Variants in FIGN observed in about 807,000 individuals in gnomAD.
The protein encoded by FIGN is fidgetin, microtubule severing factor.
A neutral mutation model predicts 51.3 loss-of-function variants in FIGN; 11 were observed. The ratio of observed to expected loss-of-function variants is 0.21; its 90% CI spans 0.13 to 0.35. FIGN has a LOEUF of 0.35. Ranked by LOEUF, FIGN falls within the 10% of genes least tolerant of loss-of-function variation. The pLI, the probability that FIGN is intolerant of heterozygous loss-of-function variation, is 1.00. For synonymous variants in FIGN, 407 were observed against 363.2 expected (o/e 1.12, Z -1.37); for missense variants, 857 against 943.6 (o/e 0.91, Z 1.20).
chr2:163,672,701 G>GA (rs1262071291), intron 2 of FIGN, among the ~76,000 whole-genome samples: 2 of 151,468 alleles, frequency 1.3e-5, no homozygotes, highest in African/African-American at 2.4e-5. Context: ...ACAATAACAA[G>GA]AAAAAAAAGC....
chr2:163,627,392 A>G (rs1404467758), intron 2 of FIGN, among the ~76,000 whole-genome samples: 1 of 152,156 alleles, frequency 6.6e-6, no homozygotes, highest in Non-Finnish European at 1.5e-5. Context: ...ATATGCATGA[A>G]ACAGATTCTA....
At chr2:163,668,580 G>A (rs1683822666) in intron 2 of FIGN, among the ~76,000 whole-genome samples, 1 of 152,114 alleles carries the variant, frequency 6.6e-6, no homozygotes, top group African/African-American at 2.4e-5. Context: ...TATATTACAT[G>A]GTAATAAAAC....
intron 2 of FIGN, among the ~76,000 whole-genome samples, chr2:163,684,045 A>G (rs1270501825): frequency 6.6e-6 from 1 of 152,168 alleles, no homozygotes; most frequent in Non-Finnish European, 1.5e-5. Flanking sequence ...CAATGATAAA[A>G]TCTCCACTAA....
At chr2:163,676,480 T>TCTAGAGTCTGTGCTCTAG (rs1683971884) in intron 2 of FIGN, among the ~76,000 whole-genome samples, 6 of 76,870 alleles carry the variant, frequency 7.8e-5, no homozygotes, top group African/African-American at 2.5e-4. Flanking sequence ...TATATATATA[T>TCTAGAGTCTGTGCTCTAG]ATAACTAGAG....
intron 2 of FIGN, among the ~76,000 whole-genome samples, chr2:163,628,139 C>A (rs892067857): frequency 6.6e-5 from 10 of 152,084 alleles, no homozygotes; most frequent in African/African-American, 2.2e-4. Flanking sequence ...GAGAATCTTG[C>A]CCATAGTGCT....
At chr2:163,669,623 C>G (rs1025219469) in intron 2 of FIGN, among the ~76,000 whole-genome samples, 2 of 152,186 alleles carry the variant, frequency 1.3e-5, no homozygotes, top group Admixed American at 1.3e-4. Context: ...AGTCTATAAT[C>G]AAACTTTCAG....
At chr2:163,712,846 A>G (rs1049661857) in intron 2 of FIGN, among the ~76,000 whole-genome samples, 1 of 152,206 alleles carries the variant, frequency 6.6e-6, no homozygotes, top group Non-Finnish European at 1.5e-5. Flanking sequence ...AATTATTTAA[A>G]ATACTCTAAT....
At position 163,735,076 on chromosome 2, in the gene FIGN, C is replaced by T. The variant is rs1684993953; in HGVS notation, c.-145-4G>A. On this transcript the variant is annotated splice_region_variant and splice_polypyrimidine_tract_variant and intron_variant, in intron 1 of 2. Coordinates refer to ENST00000333129, the MANE Select transcript of FIGN (RefSeq NM_018086.4). ...TTTCGTCAGGTATTCATTTAACCTA[C>T]ATGCATATAATTAAGGGGGAAAGCA... 1.2e-5 allele frequency: 7 copies of T among 602,810 alleles called. No homozygotes were observed. Among genetic ancestry groups the T allele is most frequent in the Non-Finnish European group, 2.0e-5 (7 of 354,746 alleles). 37.3% of individuals were successfully genotyped at this position (602,810 alleles called of 1,614,324 possible). A position where few individuals can be genotyped will look rare whatever the true frequency, so the allele number is the denominator to read the frequency against.
chr2:163,604,928 A>T lies in FIGN; in HGVS notation c.*4624T>A, dbSNP rs1332376441. ...AGGGAGAGTTTTAAGCCCAGAAATA[A>T]ACTTTTGCTTTTTTTTTTTTTTTTT... On this transcript the variant is annotated 3_prime_UTR_variant, in exon 3 of 3. Coordinates refer to ENST00000333129, the MANE Select transcript of FIGN (RefSeq NM_018086.4). 1 of 80,628 alleles carries T rather than the reference A, an allele frequency of 1.2e-5. No individual in the cohort carries two copies. The highest frequency in any genetic ancestry group is 2.4e-5 in the Non-Finnish European group (1 of 41,300). The allele number at this position is 80,628 out of a possible 1,614,324, so 5.0% of individuals were successfully genotyped here.
At chr2:163,682,210 G>A (rs1684076960) in intron 2 of FIGN, among the ~76,000 whole-genome samples, 1 of 152,128 alleles carries the variant, frequency 6.6e-6, no homozygotes, top group African/African-American at 2.4e-5. Flanking sequence ...TATTCTAATG[G>A]GAAAGGAATT....
chr2:163,702,920 T>C (rs971300259), intron 2 of FIGN, among the ~76,000 whole-genome samples: 1 of 152,136 alleles, frequency 6.6e-6, no homozygotes, highest in Non-Finnish European at 1.5e-5. Context: ...AGACTTTCTT[T>C]CATGCCTTAA....
chr2:163,686,312 G>C lies in FIGN; in HGVS notation c.25+48591C>G, dbSNP rs576336847. On this transcript the variant is annotated intron_variant, in intron 2 of 2. Transcript: ENST00000333129. ...GACAAAGTTCTCGCCACAAAACAGA[G>C]GGTGAAGGACTTCTAGTAGAGCTAT... Among the ~76,000 whole-genome samples the C allele has an allele frequency of 1.1e-4, 16 of 152,246 alleles. No homozygotes were observed. In the South Asian group the frequency reaches 3.3e-3, roughly 32 times the overall value.
At chr2:163,613,700 G>A (rs189086841) in intron 2 of FIGN, among the ~76,000 whole-genome samples, 7 of 152,268 alleles carry the variant, frequency 4.6e-5, no homozygotes, top group Admixed American at 2.0e-4. Flanking sequence ...TCATGCTTCC[G>A]ACTTAATGAT....
chr2:163,700,221 T>C (rs1684387458), intron 2 of FIGN, among the ~76,000 whole-genome samples: 1 of 152,112 alleles, frequency 6.6e-6, no homozygotes, highest in East Asian at 1.9e-4. Context: ...TGAAACAGAA[T>C]AAATTGAGAA....
At chr2:163,700,173 A>G (rs984423187) in intron 2 of FIGN, among the ~76,000 whole-genome samples, 4 of 152,172 alleles carry the variant, frequency 2.6e-5, no homozygotes, top group African/African-American at 9.7e-5. Flanking sequence ...TGACATTGTG[A>G]TTAGTTATAA....
chr2:163,702,085 G>T (rs566156787), intron 2 of FIGN, among the ~76,000 whole-genome samples: 2 of 152,066 alleles, frequency 1.3e-5, no homozygotes, highest in African/African-American at 4.8e-5. Flanking sequence ...AATAAGCCTG[G>T]TCCAAATGAA....
chr2:163,647,031 C>T (rs1269290303), intron 2 of FIGN, among the ~76,000 whole-genome samples: 1 of 152,176 alleles, frequency 6.6e-6, no homozygotes, highest in Non-Finnish European at 1.5e-5. Flanking sequence ...AATAAGACTA[C>T]AGAAAGCTCT....
At chr2:163,643,343 G>A (rs1053303248) in intron 2 of FIGN, among the ~76,000 whole-genome samples, 3 of 152,166 alleles carry the variant, frequency 2.0e-5, no homozygotes, top group African/African-American at 4.8e-5. Flanking sequence ...AACGAAGTTG[G>A]ACTCCACTTT....
chr2:163,696,003 T>A (rs1684312917), intron 2 of FIGN, among the ~76,000 whole-genome samples: 1 of 151,984 alleles, frequency 6.6e-6, no homozygotes. Context: ...CCCAGCTACT[T>A]GTGAGGTTGA....
Sources: allele counts gnomAD v4.1 joint callset (sites outside exome capture counted in the v4.1 genomes callset), GRCh38; gene constraint gnomAD v4.1.1; transcripts MANE v1.5; gene names NCBI Gene and HGNC (gene_info 2026-07-23, HGNC 2026-07-21).